TENM2: variants seen among roughly 807,000 people sequenced by gnomAD.
TENM2 encodes the protein teneurin-2.
In TENM2, 52 loss-of-function variants were observed where a neutral mutation model predicts 245.2. The ratio of observed to expected loss-of-function variants is 0.21; its 90% confidence interval spans 0.17 to 0.27. The LOEUF is 0.27. TENM2 is among the 10% of genes least tolerant of loss of function. The pLI, the probability that TENM2 is intolerant of heterozygous loss-of-function variation, is 1.00. For synonymous variants in TENM2, 1,363 were observed against 1,438.9 expected, an observed-to-expected ratio of 0.95 and a Z score of 1.19; for missense variants, 3,046 against 3,666.8, an observed-to-expected ratio of 0.83 and a Z score of 4.37.
chr5:167,433,211 T>C (rs1025815211), intron 2 of TENM2, among the ~76,000 whole-genome samples: 4 of 152,062 alleles, frequency 2.6e-5, no homozygotes, highest in African/African-American at 9.7e-5. Flanking sequence ...GACCTGAAAA[T>C]GAATTTATAA....
intron 5 of TENM2, among the ~76,000 whole-genome samples, chr5:168,044,549 AC>A (rs1475167506): frequency 6.6e-6 from 1 of 151,840 alleles, no homozygotes; most frequent in Admixed American, 6.6e-5. Context: ...CTACAATCCA[AC>A]CCCCCAAATC....
intron 27 of TENM2, among the ~76,000 whole-genome samples, chr5:168,250,568 CA>C (rs1432212029): frequency 6.6e-6 from 1 of 152,192 alleles, no homozygotes; most frequent in Non-Finnish European, 1.5e-5. Context: ...CCCCATGCTG[CA>C]GAAATAAACA....
chr5:168,198,232 A>G (rs935690089), intron 15 of TENM2, among the ~76,000 whole-genome samples: 3 of 121,352 alleles, frequency 2.5e-5, no homozygotes, highest in East Asian at 4.8e-4. Context: ...GTCTCACTCT[A>G]TCACCCAGGC....
chr5:167,663,021 T>A (rs1027516882), intron 2 of TENM2, among the ~76,000 whole-genome samples: 1 of 152,200 alleles, frequency 6.6e-6, no homozygotes, highest in Admixed American at 6.6e-5. Flanking sequence ...TTCAATATTA[T>A]GGATAAATTA....
chr5:166,985,626 A>C, the TENM2 span, among the ~76,000 whole-genome samples: 1 of 152,204 alleles, frequency 6.6e-6, no homozygotes, highest in Non-Finnish European at 1.5e-5. Context: ...TAAAGGAAAA[A>C]AATCAAATTT....
intron 12 of TENM2, among the ~76,000 whole-genome samples, chr5:168,154,749 G>C (rs75528994): frequency 3.7e-3 from 561 of 152,134 alleles, no homozygotes; most frequent in African/African-American, 0.013. Context: ...TTGCTGTTGG[G>C]GTTGTGGGGA....
the TENM2 span, among the ~76,000 whole-genome samples, chr5:167,170,499 A>G: frequency 6.6e-6 from 1 of 152,196 alleles, no homozygotes; most frequent in Non-Finnish European, 1.5e-5. Flanking sequence ...TAAAATCACT[A>G]AAAACTTATT....
intron 2 of TENM2, among the ~76,000 whole-genome samples, chr5:167,589,626 T>A (rs1490326164): frequency 3.3e-5 from 5 of 152,040 alleles, no homozygotes; most frequent in Admixed American, 3.3e-4. Flanking sequence ...AGAAAAAAAA[T>A]TGAAGAGAAT....
intron 5 of TENM2, among the ~76,000 whole-genome samples, chr5:168,036,725 A>C (rs13155664): frequency 6.9e-6 from 1 of 145,796 alleles, no homozygotes; most frequent in Non-Finnish European, 1.5e-5. Flanking sequence ...ATGTATGTGT[A>C]TATATATACG....
chr5:167,587,268 T>C (rs1256182914), intron 2 of TENM2, among the ~76,000 whole-genome samples: 1 of 152,184 alleles, frequency 6.6e-6, no homozygotes, highest in Admixed American at 6.5e-5. Flanking sequence ...CAGAATAGTT[T>C]GGGGAGTATT....
chr5:167,174,134 G>A, the TENM2 span, among the ~76,000 whole-genome samples: 1 of 150,754 alleles, frequency 6.6e-6, no homozygotes, highest in Admixed American at 6.6e-5. Flanking sequence ...CTTGTTCCTG[G>A]AGTTCTACAA....
the TENM2 span, among the ~76,000 whole-genome samples, chr5:166,990,935 AAG>A: frequency 6.6e-6 from 1 of 152,120 alleles, no homozygotes; most frequent in African/African-American, 2.4e-5. Context: ...TGGGCTTTGA[AAG>A]AAGGCTCATC....
chr5:167,735,777 G>T (rs1386496478), intron 2 of TENM2, among the ~76,000 whole-genome samples: 1 of 152,068 alleles, frequency 6.6e-6, no homozygotes, highest in Non-Finnish European at 1.5e-5. Context: ...CTGCACTCCA[G>T]CCTGGGCGAT....
chr5:167,341,586 T>C (rs1758100188), intron 1 of TENM2, among the ~76,000 whole-genome samples: 1 of 152,164 alleles, frequency 6.6e-6, no homozygotes, highest in Non-Finnish European at 1.5e-5. Flanking sequence ...TGACCATTTA[T>C]GAAGTACTTC....
chr5:167,153,789 T>TA, the TENM2 span, among the ~76,000 whole-genome samples: 1 of 151,912 alleles, frequency 6.6e-6, no homozygotes, highest in South Asian at 2.1e-4. Context: ...TCCCAGTTAA[T>TA]AAAAAAACTG....
the TENM2 span, among the ~76,000 whole-genome samples, chr5:167,155,489 T>C: frequency 6.6e-6 from 1 of 152,300 alleles, no homozygotes; most frequent in South Asian, 2.1e-4. Flanking sequence ...CCCTGAACCC[T>C]TTTTAGCAGG....
the TENM2 span, among the ~76,000 whole-genome samples, chr5:167,208,802 A>G: frequency 0.17 from 26,534 of 152,184 alleles, 2,485 homozygotes; most frequent in African/African-American, 0.22. Context: ...TATTATTCCC[A>G]ATGTCTAAAA....
At chr5:167,259,934 G>T in the TENM2 span, among the ~76,000 whole-genome samples, 2 of 152,090 alleles carry the variant, frequency 1.3e-5, no homozygotes, top group Admixed American at 6.5e-5. Flanking sequence ...ATTTGCATGG[G>T]TTGCATTCTT....
At chr5:168,022,757 G>A (rs1304643373) in intron 5 of TENM2, among the ~76,000 whole-genome samples, 1 of 152,124 alleles carries the variant, frequency 6.6e-6, no homozygotes, top group East Asian at 1.9e-4. Flanking sequence ...CCATCTTAAC[G>A]GGAGGAGGCA....
Sources: gnomAD v4.1 joint callset for allele counts (sites outside exome capture counted in the v4.1 genomes callset) on GRCh38, gnomAD v4.1.1 for gene constraint, MANE v1.5 for transcripts, NCBI Gene and HGNC (gene_info 2026-07-23, HGNC 2026-07-21) for gene names.